Variants in LIMCH1 observed in about 807,000 individuals in gnomAD.
LIMCH1 encodes LIM and calponin homology domains 1.
LIMCH1 carries 113 observed loss-of-function variants against 176.5 expected under a neutral mutation model. The ratio of observed to expected loss-of-function variants is 0.64; its 90% confidence interval spans 0.55 to 0.75. LIMCH1 has a LOEUF of 0.75. Ranked by LOEUF, LIMCH1 falls within the 30% of genes least tolerant of loss-of-function variation. The probability of loss-of-function intolerance (pLI) is 0.00; values close to 1 mark genes in which losing one functional copy is unlikely to be tolerated. For missense variants in LIMCH1, 1,674 were observed against 1,814.9 expected, an observed-to-expected ratio of 0.92 and a Z score of 1.41; for synonymous variants, 619 against 645.9, an observed-to-expected ratio of 0.96 and a Z score of 0.63.
At chr4:41,575,640 T>C (rs1335352407) in intron 1 of LIMCH1, among the ~76,000 whole-genome samples, 2 of 152,212 alleles carry the variant, frequency 1.3e-5, no homozygotes, top group Non-Finnish European at 2.9e-5. Context: ...GGCCTAAATA[T>C]ATGAGATTTT....
intron 1 of LIMCH1, among the ~76,000 whole-genome samples, chr4:41,443,921 T>C (rs2062980493): frequency 6.6e-6 from 1 of 152,212 alleles, no homozygotes; most frequent in Admixed American, 6.5e-5. Flanking sequence ...AAGAATATGC[T>C]CACTTAAAAC....
chr4:41,623,724 G>T (rs2092748357), intron 7 of LIMCH1, among the ~76,000 whole-genome samples: 1 of 152,166 alleles, frequency 6.6e-6, no homozygotes, highest in South Asian at 2.1e-4. Context: ...TCGTGTCACT[G>T]CACTCCAGCC....
At chr4:41,525,439 T>C (rs908518364) in intron 3 of LIMCH1, among the ~76,000 whole-genome samples, 1 of 152,190 alleles carries the variant, frequency 6.6e-6, no homozygotes, top group African/African-American at 2.4e-5. Context: ...CGATGACTAA[T>C]TGAAATTAGA....
chr4:41,639,478 G>A (rs1484618035), intron 14 of LIMCH1, among the ~76,000 whole-genome samples: 1 of 152,140 alleles, frequency 6.6e-6, no homozygotes, highest in African/African-American at 2.4e-5. Flanking sequence ...CCAAAACATT[G>A]GAGTTTTGCT....
chr4:41,491,701 G>T (rs951213361), intron 1 of LIMCH1, among the ~76,000 whole-genome samples: 13 of 147,694 alleles, frequency 8.8e-5, no homozygotes, highest in Admixed American at 6.0e-4. Context: ...GTGGCGATTG[G>T]GCAGAGGTGC....
rs888008680 is a variant in LIMCH1 at position 41,416,527 on chromosome 4, G to A, written c.96+55591G>A. Among the ~76,000 whole-genome samples the A allele has an allele frequency of 7.9e-5, 12 of 151,368 alleles. No homozygotes were observed. The East Asian group carries it at 1.2e-3, about 15-fold the overall frequency. On this transcript the variant is annotated intron_variant, in intron 1 of 26. Coordinates refer to the LIMCH1 transcript ENST00000313860. ...AAAAAAATTAGCTGGGTGTGGTAGC[G>A]GGCGCCTGTAATCCCAGCTGCTCAG...
chr4:41,631,611 T>A, intron 10 of LIMCH1, 134 bp downstream of exon 10: 1 of 708,290 alleles, frequency 1.4e-6, no homozygotes, highest in Non-Finnish European at 2.2e-6. Context: ...AGAGAAGTAA[T>A]GTTAGCGGGT....
At chr4:41,630,183 T>G (rs1026279570) in intron 9 of LIMCH1, among the ~76,000 whole-genome samples, 3 of 152,002 alleles carry the variant, frequency 2.0e-5, no homozygotes, top group Admixed American at 2.0e-4. Context: ...CTCGAACACC[T>G]AGGGCTCCTG....
At chr4:41,398,059 G>C (rs2057996693) in intron 1 of LIMCH1, among the ~76,000 whole-genome samples, 1 of 151,444 alleles carries the variant, frequency 6.6e-6, no homozygotes, top group Non-Finnish European at 1.5e-5. Flanking sequence ...CCATGTCCAT[G>C]TACCAGATTC....
chr4:41,387,497 A>G (rs2056656331), intron 1 of LIMCH1, among the ~76,000 whole-genome samples: 1 of 152,098 alleles, frequency 6.6e-6, no homozygotes, highest in South Asian at 2.1e-4. Flanking sequence ...TCCAATTTTT[A>G]TGAACATGTT....
intron 1 of LIMCH1, among the ~76,000 whole-genome samples, chr4:41,484,964 C>T (rs560367544): frequency 4.7e-4 from 71 of 152,104 alleles, no homozygotes; most frequent in Admixed American, 1.0e-3. Flanking sequence ...GATCAGGCTG[C>T]GAGACTGATT....
At chr4:41,429,283 T>C (rs1018767207) in intron 1 of LIMCH1, among the ~76,000 whole-genome samples, 4 of 152,358 alleles carry the variant, frequency 2.6e-5, no homozygotes, top group African/African-American at 7.2e-5. Context: ...GCATTTTTTT[T>C]CTTTTTCTTA....
At chr4:41,616,706 A>G (rs1242625561) in intron 5 of LIMCH1, among the ~76,000 whole-genome samples, 2 of 152,098 alleles carry the variant, frequency 1.3e-5, no homozygotes, top group South Asian at 2.1e-4. Context: ...GACATTTCCC[A>G]AGGGTATACT....
chr4:41,632,807 C>CCGGA lies in LIMCH1; in HGVS notation c.1661_1664dup (p.Glu555AspfsTer42), dbSNP rs1474701159. On this transcript the variant is annotated frameshift_variant, in exon 11 of 32. Transcript: ENST00000503057. LOFTEE classifies it high-confidence loss of function. Reference sequence around the variant, plus strand: ...AAGGGCCTCGTGGCTGGCTCCTGTGCCGGAGTCTCAGGAAGAGTGGGTCTG... The same window carrying CCGGA: ...AAGGGCCTCGTGGCTGGCTCCTGTGCCGGACGGAGTCTCAGGAAGAGTGGGTCTG... 5.2e-6 allele frequency: 8 copies of CCGGA among 1,536,196 alleles called. No individual in the cohort carries two copies. The highest frequency in any genetic ancestry group is 1.7e-4 in the Middle Eastern group (1 of 5,990).
At position 41,370,445 on chromosome 4, in the gene LIMCH1, C is replaced by T. The variant is rs569098886; in HGVS notation, c.96+9509C>T. 1.7e-3 allele frequency among the ~76,000 whole-genome samples: 256 copies of T among 152,202 alleles called. 2 individuals carry two copies. The highest frequency in any genetic ancestry group is 5.7e-3 in the African/African-American group (237 of 41,520). The stretch of plus-strand genomic sequence containing the variant: ...TATCCATGGTATCAATAAATGGCCA[C>T]GGCTGTGACTGTTAATTGTCATGAC... On this transcript the variant is annotated intron_variant, in intron 1 of 26. Transcript: ENST00000313860.
At chr4:41,675,026 AT>A (rs2153025851) in intron 22 of LIMCH1, among the ~76,000 whole-genome samples, 1 of 152,306 alleles carries the variant, frequency 6.6e-6, no homozygotes, top group Non-Finnish European at 1.5e-5. Context: ...ATAAGCTAGT[AT>A]CCCTAGATTA....
At chr4:41,385,260 C>T (rs565453013) in intron 1 of LIMCH1, among the ~76,000 whole-genome samples, 49 of 152,320 alleles carry the variant, frequency 3.2e-4, no homozygotes, top group Middle Eastern at 3.4e-3. Context: ...TTCTATTCCA[C>T]TGTGTTTCAG....
At chr4:41,672,450 G>A (rs903997450) in intron 22 of LIMCH1, among the ~76,000 whole-genome samples, 3 of 152,082 alleles carry the variant, frequency 2.0e-5, no homozygotes, top group African/African-American at 7.2e-5. Flanking sequence ...TTTTTTAAAT[G>A]TACCTCATTT....
chr4:41,690,210 T>C (rs1456503643), intron 30 of LIMCH1, among the ~76,000 whole-genome samples: 1 of 152,208 alleles, frequency 6.6e-6, no homozygotes, highest in Non-Finnish European at 1.5e-5. Context: ...TTACTGATTA[T>C]TGGATTATTT....
Sources: allele counts gnomAD v4.1 joint callset (sites outside exome capture counted in the v4.1 genomes callset), GRCh38; gene constraint gnomAD v4.1.1; transcripts MANE v1.5; gene names NCBI Gene and HGNC (gene_info 2026-07-23, HGNC 2026-07-21).